TLL2: variants seen among roughly 807,000 people sequenced by gnomAD.
The protein encoded by TLL2 is tolloid-like protein 2.
Under a neutral mutation model 123.0 loss-of-function variants are expected in TLL2, and 106 were observed. That is an observed-to-expected ratio of 0.86 (90% CI 0.74 to 1.01). TLL2 has a LOEUF of 1.01. Ranked by LOEUF, TLL2 falls within the 50% of genes least tolerant of loss-of-function variation. TLL2 has a pLI of 0.00. For missense variants in TLL2, 1,332 were observed against 1,336.7 expected, an observed-to-expected ratio of 1.00 and a Z score of 0.06; for synonymous variants, 494 against 516.8, an observed-to-expected ratio of 0.96 and a Z score of 0.60.
chr10:96,411,862 G>A (rs1025517693), intron 8 of TLL2, among the ~76,000 whole-genome samples: 3 of 152,128 alleles, frequency 2.0e-5, no homozygotes, highest in Non-Finnish European at 4.4e-5. Context: ...CCTGGATGTC[G>A]GGGCTTCAAT....
chr10:96,471,003 T>G (rs1847176198), intron 2 of TLL2, among the ~76,000 whole-genome samples: 1 of 151,824 alleles, frequency 6.6e-6, no homozygotes, highest in Non-Finnish European at 1.5e-5. Flanking sequence ...TGGGAAGTCT[T>G]TTTTTTTGAG....
At chr10:96,444,953 G>T (rs1290574128) in intron 3 of TLL2, among the ~76,000 whole-genome samples, 1 of 152,224 alleles carries the variant, frequency 6.6e-6, no homozygotes, top group East Asian at 1.9e-4. Flanking sequence ...ACTTTGGGAG[G>T]CCGAGGCGGG....
intron 2 of TLL2, among the ~76,000 whole-genome samples, chr10:96,461,387 C>T (rs1847080708): frequency 1.3e-5 from 2 of 152,260 alleles, no homozygotes; most frequent in South Asian, 4.1e-4. Flanking sequence ...GATGGAAAGG[C>T]AGGAGGGGAG....
chr10:96,424,882 C>T (rs1846664096), intron 5 of TLL2, among the ~76,000 whole-genome samples: 1 of 151,936 alleles, frequency 6.6e-6, no homozygotes, highest in African/African-American at 2.4e-5. Context: ...TAAATAAAAT[C>T]TACTCTTGTT....
chr10:96,408,252 G>T (rs1335056434), intron 9 of TLL2, among the ~76,000 whole-genome samples: 1 of 152,210 alleles, frequency 6.6e-6, no homozygotes, highest in Non-Finnish European at 1.5e-5. Flanking sequence ...GAATGAATGG[G>T]ATAATTATTC....
rs370567254 is a variant in TLL2 at position 96,422,736 on chromosome 10, T to C, written c.639-9A>G. ...CAACATAGGAGCAACAGCTGGACAA[T>C]TGCAGGAATACCCAGGTCAGCAGGT... On this transcript the variant is annotated splice_polypyrimidine_tract_variant and intron_variant, in intron 5 of 20. Coordinates refer to ENST00000357947, the MANE Select transcript of TLL2 (RefSeq NM_012465.4). The C allele has an allele frequency of 2.4e-5, 38 of 1,613,896 alleles. No homozygotes were observed. Among genetic ancestry groups the C allele is most frequent in the African/African-American group, 2.3e-4 (17 of 74,888 alleles).
At chr10:96,373,947 G>A (rs74327492) in intron 18 of TLL2, 138 bp from the exon 19 acceptor site, 96,668 of 698,230 alleles carry the variant, frequency 0.14, 7,269 homozygotes, top group South Asian at 0.23. Context: ...GTGTGTGGCC[G>A]TGATGATGCT....
intron 3 of TLL2, among the ~76,000 whole-genome samples, chr10:96,435,485 C>T (rs1019251774): frequency 6.6e-6 from 1 of 152,196 alleles, no homozygotes; most frequent in African/African-American, 2.4e-5. Flanking sequence ...TATCTATGAT[C>T]TTCTTTTGTT....
chr10:96,451,087 C>T (rs990483655), intron 2 of TLL2, among the ~76,000 whole-genome samples: 2 of 152,194 alleles, frequency 1.3e-5, no homozygotes, highest in Admixed American at 6.5e-5. Flanking sequence ...CAGAGGTCAG[C>T]GGCCCGTGAT....
chr10:96,382,955 T>C (rs988558579), intron 16 of TLL2, among the ~76,000 whole-genome samples: 4 of 151,770 alleles, frequency 2.6e-5, no homozygotes, highest in Non-Finnish European at 5.9e-5. Context: ...CAGGTTGAAG[T>C]AGGAGTTTCC....
intron 1 of TLL2, among the ~76,000 whole-genome samples, chr10:96,488,409 C>A (rs1253487493): frequency 6.6e-6 from 1 of 152,210 alleles, no homozygotes; most frequent in Non-Finnish European, 1.5e-5. Context: ...GATCCTAGCC[C>A]ACCTCAAGGC....
chr10:96,458,363 G>A (rs1333774455), intron 2 of TLL2, among the ~76,000 whole-genome samples: 1 of 152,088 alleles, frequency 6.6e-6, no homozygotes, highest in Non-Finnish European at 1.5e-5. Context: ...GAGGCAGGCA[G>A]ATCACCTGAG....
At chr10:96,411,257 C>CAAAAAAA (rs56011735) in intron 8 of TLL2, among the ~76,000 whole-genome samples, 4 of 95,172 alleles carry the variant, frequency 4.2e-5, no homozygotes, top group African/African-American at 8.9e-5. Context: ...GACTCTGTCT[C>CAAAAAAA]AAAAAAAAAA....
In TLL2 at chr10:96,397,264, A is replaced by C. The variant is rs372266220; in HGVS notation, c.1306T>G (p.Ser436Ala). 2.3e-5 allele frequency: 37 copies of C among 1,613,776 alleles called. No individual in the cohort carries two copies. The highest frequency in any genetic ancestry group is 3.1e-5 in the Non-Finnish European group (37 of 1,179,806). ...TCCACCCAGAGCCGGCTGTCCGTGGAGACGAGGGGCTCCGGGATCTTATCG... is the reference window on the plus strand; with the variant it reads ...TCCACCCAGAGCCGGCTGTCCGTGGCGACGAGGGGCTCCGGGATCTTATCG... Reference protein sequence around the residue: ...CGDKIPEPLVSTDSRLWVEFR... With the variant: ...CGDKIPEPLVATDSRLWVEFR... Residue 436 changes from serine to alanine, a missense_variant, in exon 11 of 21, where the codon TCC becomes GCC. Physicochemically the swap from Ser to Ala is moderately conservative, Grantham distance 99. Coordinates refer to ENST00000357947, the MANE Select transcript of TLL2 (RefSeq NM_012465.4).
At chr10:96,464,150 G>T (rs1004889850) in intron 2 of TLL2, among the ~76,000 whole-genome samples, 12 of 152,108 alleles carry the variant, frequency 7.9e-5, no homozygotes, top group African/African-American at 2.7e-4. Flanking sequence ...GACTGCTTGA[G>T]TCAGGAGTAG....
chr10:96,501,307 C>T (rs1033060628), intron 1 of TLL2, among the ~76,000 whole-genome samples: 4 of 152,218 alleles, frequency 2.6e-5, no homozygotes, highest in Admixed American at 1.3e-4. Flanking sequence ...GTTTCAACCA[C>T]GACCTTGGGG....
At chr10:96,446,235 G>A (rs1372890558) in intron 2 of TLL2, 67 bp from the exon 3 acceptor site, 6 of 1,512,784 alleles carry the variant, frequency 4.0e-6, no homozygotes, top group Non-Finnish European at 5.5e-6. Flanking sequence ...ACCAAGGGAT[G>A]AGGGAGCAAA....
intron 13 of TLL2, among the ~76,000 whole-genome samples, chr10:96,388,141 C>T (rs761386925): frequency 4.6e-5 from 7 of 152,244 alleles, no homozygotes; most frequent in South Asian, 2.1e-4. Flanking sequence ...CGGTGGCTCA[C>T]GCCTGTAATC....
chr10:96,389,635 A>G (rs1846265820), intron 13 of TLL2, among the ~76,000 whole-genome samples: 3 of 152,176 alleles, frequency 2.0e-5, no homozygotes, highest in African/African-American at 7.2e-5. Flanking sequence ...AGAGACAGAT[A>G]GACAAAGGAC....
Sources: gnomAD v4.1 joint callset for allele counts (sites outside exome capture counted in the v4.1 genomes callset) on GRCh38, gnomAD v4.1.1 for gene constraint, MANE v1.5 for transcripts, NCBI Gene and HGNC (gene_info 2026-07-23, HGNC 2026-07-21) for gene names.